Variants in PPARGC1B observed in about 807,000 individuals in gnomAD.
The protein encoded by PPARGC1B is peroxisome proliferator-activated receptor gamma coactivator 1-beta.
A neutral mutation model predicts 101.6 loss-of-function variants in PPARGC1B; 34 were observed. The ratio of observed to expected loss-of-function variants is 0.33; its 90% CI spans 0.25 to 0.45. PPARGC1B has a LOEUF of 0.45. Among genes scored for constraint, PPARGC1B ranks in the 20% least tolerant of loss-of-function variants. The probability of loss-of-function intolerance (pLI) is 1.00; values close to 1 mark genes in which losing one functional copy is unlikely to be tolerated. For synonymous variants in PPARGC1B, 548 were observed against 539.3 expected (o/e 1.02, Z -0.22); for missense variants, 1,234 against 1,317.6 (o/e 0.94, Z 0.98).
chr5:149,806,864 C>G (rs1019400673), intron 1 of PPARGC1B, among the ~76,000 whole-genome samples: 1 of 152,014 alleles, frequency 6.6e-6, no homozygotes, highest in African/African-American at 2.4e-5. Context: ...ACCCTGGCCT[C>G]GTAAAGTGCT....
intron 1 of PPARGC1B, among the ~76,000 whole-genome samples, chr5:149,787,635 A>AAGAT (rs1756863375): frequency 6.6e-6 from 1 of 152,188 alleles, no homozygotes; most frequent in East Asian, 1.9e-4. Flanking sequence ...TCTGCTGAGC[A>AAGAT]GTTTCTTGGA....
At chr5:149,820,208 G>A (rs1758230477) in intron 1 of PPARGC1B, among the ~76,000 whole-genome samples, 1 of 152,200 alleles carries the variant, frequency 6.6e-6, no homozygotes, top group South Asian at 2.1e-4. Flanking sequence ...GGGATATGTA[G>A]GAGTGCAGAG....
At chr5:149,809,302 A>G (rs559771755) in intron 1 of PPARGC1B, among the ~76,000 whole-genome samples, 2 of 75,402 alleles carry the variant, frequency 2.7e-5, no homozygotes, top group African/African-American at 1.0e-4. Flanking sequence ...AGATAGATAG[A>G]TAGATAGATA....
At chr5:149,795,103 C>G (rs1465200769) in intron 1 of PPARGC1B, among the ~76,000 whole-genome samples, 2 of 152,248 alleles carry the variant, frequency 1.3e-5, no homozygotes, top group African/African-American at 4.8e-5. Context: ...GGCTAAGGCT[C>G]CCTTTCACTC....
At chr5:149,752,354 G>A (rs573338047) in intron 1 of PPARGC1B, among the ~76,000 whole-genome samples, 1 of 152,192 alleles carries the variant, frequency 6.6e-6, no homozygotes, top group East Asian at 1.9e-4. Context: ...GACTGCAGTC[G>A]GAGCAGAACC....
chr5:149,813,346 C>T (rs1021247092), intron 1 of PPARGC1B, among the ~76,000 whole-genome samples: 1 of 152,218 alleles, frequency 6.6e-6, no homozygotes, highest in African/African-American at 2.4e-5. Context: ...ATGGCAGTCA[C>T]AGGAGGTCAG....
At chr5:149,753,879 A>AGACG (rs1158441201) in intron 1 of PPARGC1B, among the ~76,000 whole-genome samples, 1 of 151,942 alleles carries the variant, frequency 6.6e-6, no homozygotes, top group Non-Finnish European at 1.5e-5. Flanking sequence ...TTTTTAGTAG[A>AGACG]GACGGGATTT....
intron 1 of PPARGC1B, chr5:149,733,010 T>C (rs536676428): frequency 1.5e-5 from 3 of 204,192 alleles, no homozygotes; most frequent in South Asian, 5.6e-5. Context: ...GAGAATCCAA[T>C]GGCCTGGTGG....
intron 1 of PPARGC1B, among the ~76,000 whole-genome samples, chr5:149,809,223 C>G (rs1325906395): frequency 2.8e-4 from 3 of 10,676 alleles, no homozygotes; most frequent in Admixed American, 1.3e-3. Flanking sequence ...TAGATAGATC[C>G]ATCTCTACCA....
chr5:149,837,174 T>A lies in PPARGC1B; in HGVS notation c.2618+101T>A. 1 of 1,489,840 alleles carries A rather than the reference T, an allele frequency of 6.7e-7. No individual in the cohort carries two copies. Among genetic ancestry groups the A allele is most frequent in the Non-Finnish European group, 8.9e-7 (1 of 1,118,608 alleles). 92.3% of individuals were successfully genotyped at this position (1,489,840 alleles called of 1,614,324 possible). On this transcript the variant is annotated intron_variant, in intron 8 of 11. Coordinates refer to ENST00000309241, the MANE Select transcript of PPARGC1B (RefSeq NM_133263.4). This position sits in a 1 kb window ranked among gnomAD's most constrained non-coding sequence, Gnocchi z 4.2. Reference sequence around the variant, plus strand: ...GGGAGGATCCCTGGGAAGCTTGCTCTGAAACTGAGGCTGCATCTCCCAGTG... The same window carrying A: ...GGGAGGATCCCTGGGAAGCTTGCTCAGAAACTGAGGCTGCATCTCCCAGTG...
Position 149,833,579 on chromosome 5 carries a change from C to T in PPARGC1B, c.1506C>T (p.Pro502=), listed in dbSNP as rs1758912425. The change falls in exon 5 of 12, where the codon CCC becomes CCT. Residue 502 remains proline (P), a synonymous_variant. Coordinates refer to ENST00000309241, the MANE Select transcript of PPARGC1B (RefSeq NM_133263.4). The surrounding 1 kb of genome is among the most constrained non-coding windows in gnomAD (Gnocchi z 4.1). ...ATGAGCCGCTGGTCCCCTCGGAGCC[C>T]CAAGGTGCTCTGCCCTCACTGTGCC... ...FADEPLVPSE[P]QGALPSLCLA... 1 of 1,600,196 alleles carries T rather than the reference C, an allele frequency of 6.2e-7. No individual in the cohort carries two copies. Among genetic ancestry groups the T allele is most frequent in the African/African-American group, 1.3e-5 (1 of 74,748 alleles).
intron 1 of PPARGC1B, chr5:149,761,670 T>G (rs1755723812): frequency 6.6e-6 from 1 of 152,138 alleles, no homozygotes; most frequent in Non-Finnish European, 1.5e-5. Flanking sequence ...ATTCTGTCAT[T>G]TGTGTAGCAT....
At chr5:149,777,396 C>T (rs540887321) in intron 1 of PPARGC1B, among the ~76,000 whole-genome samples, 2 of 152,250 alleles carry the variant, frequency 1.3e-5, no homozygotes, top group South Asian at 4.2e-4. Context: ...CCCAAACTCT[C>T]CTACCTCCTT....
intron 1 of PPARGC1B, among the ~76,000 whole-genome samples, chr5:149,731,976 G>A (rs952730402): frequency 3.3e-5 from 5 of 152,186 alleles, no homozygotes; most frequent in Non-Finnish European, 5.9e-5. Context: ...AGAGGCCGGA[G>A]GGGCTAGTGG....
At chr5:149,746,403 G>A (rs950281038) in intron 1 of PPARGC1B, among the ~76,000 whole-genome samples, 1 of 152,162 alleles carries the variant, frequency 6.6e-6, no homozygotes, top group African/African-American at 2.4e-5. Context: ...TGTCATCAAG[G>A]CTCATCTCTA....
At chr5:149,818,707 T>C (rs1758152536) in intron 1 of PPARGC1B, 2 of 400,002 alleles carry the variant, frequency 5.0e-6, no homozygotes, top group Admixed American at 5.4e-5. Context: ...TCTGAGAAGT[T>C]CCCGCTCCTC....
intron 10 of PPARGC1B, among the ~76,000 whole-genome samples, chr5:149,845,350 T>C (rs992773414): frequency 6.6e-6 from 1 of 152,190 alleles, no homozygotes; most frequent in Non-Finnish European, 1.5e-5. Flanking sequence ...GAAATGGGAA[T>C]GATAGGAGAA....
At position 149,832,997 on chromosome 5, in the gene PPARGC1B, C is replaced by A; in HGVS notation, c.924C>A (p.Thr308=). 6.2e-7 allele frequency: 1 copy of A among 1,613,580 alleles called. No homozygotes were observed. Among genetic ancestry groups the A allele is most frequent in the Non-Finnish European group, 8.5e-7 (1 of 1,179,998 alleles). ...CLPQRKLPPQ[T]PEPLPKACSN... is the part of the protein sequence containing the mutation. ...CCCAGAGGAAGCTGCCCCCACAGAC[C>A]CCTGAGCCACTCCCCAAGGCCTGCA... is the stretch of plus-strand genomic sequence containing the variant. The change falls in exon 5 of 12, where the codon ACC becomes ACA. Residue 308 remains threonine (T), a synonymous_variant. Transcript: ENST00000309241. This position sits in a 1 kb window ranked among gnomAD's most constrained non-coding sequence, Gnocchi z 4.9.
At chr5:149,840,198 T>G (rs1442245886) in intron 9 of PPARGC1B, 82 bp downstream of exon 9, 5 of 1,351,924 alleles carry the variant, frequency 3.7e-6, no homozygotes, top group Non-Finnish European at 4.0e-6. Context: ...CAAAGCCTTT[T>G]GAGGCTGGCT....
Sources: gnomAD v4.1 joint callset for allele counts (sites outside exome capture counted in the v4.1 genomes callset) on GRCh38, gnomAD v4.1.1 for gene constraint, Gnocchi (gnomAD v3.1) non-coding constraint, MANE v1.5 for transcripts, NCBI Gene and HGNC (gene_info 2026-07-23, HGNC 2026-07-21) for gene names.